The following PTPRN2 variants were observed in gnomAD, a reference collection of about 807,000 sequenced individuals.
PTPRN2 encodes the protein receptor-type tyrosine-protein phosphatase N2.
In PTPRN2, 74 loss-of-function variants were observed where a neutral mutation model predicts 118.8. The ratio of observed to expected loss-of-function variants is 0.62; its 90% CI spans 0.52 to 0.76. The LOEUF is 0.76. Among genes scored for constraint, PTPRN2 ranks in the 30% least tolerant of loss-of-function variants. The probability of loss-of-function intolerance (pLI) is 0.00; values close to 1 mark genes in which losing one functional copy is unlikely to be tolerated. For missense variants in PTPRN2, 1,481 were observed against 1,394.4 expected, an observed-to-expected ratio of 1.06 and a Z score of -0.99; for synonymous variants, 641 against 608.0, an observed-to-expected ratio of 1.05 and a Z score of -0.80.
intron 12 of PTPRN2, among the ~76,000 whole-genome samples, chr7:157,688,026 G>T (rs1797279287): frequency 6.6e-6 from 1 of 152,188 alleles, no homozygotes; most frequent in African/African-American, 2.4e-5. Context: ...AGCCCTTTGT[G>T]CAACTGAAAG....
chr7:158,293,754 G>GT (rs1586152146), intron 3 of PTPRN2, among the ~76,000 whole-genome samples: 1 of 22,016 alleles, frequency 4.5e-5, no homozygotes, highest in African/African-American at 1.7e-4. Context: ...AAACTTTTTT[G>GT]TTAAAAAAAA....
rs893452666 is a variant in PTPRN2 at position 158,310,719 on chromosome 7, A to G, written c.277+6100T>C. Among the ~76,000 whole-genome samples, 55 of 146,416 alleles carry G rather than the reference A, an allele frequency of 3.8e-4. 2 individuals carry two copies. Among genetic ancestry groups the G allele is most frequent in the African/African-American group, 1.2e-3 (47 of 38,760 alleles). The stretch of plus-strand genomic sequence containing the variant: ...ACGGAGGGCGAGCCCTGAGCCGGAC[A>G]GAGCGCAAGTCCCACGGAGGGCAAG... On this transcript the variant is annotated intron_variant, in intron 3 of 22. Coordinates refer to ENST00000389418, the MANE Select transcript of PTPRN2 (RefSeq NM_002847.5).
chr7:158,295,141 G>A (rs1361734012), intron 3 of PTPRN2, among the ~76,000 whole-genome samples: 5 of 138,464 alleles, frequency 3.6e-5, no homozygotes, highest in Admixed American at 7.4e-5. Context: ...CATGGCACCC[G>A]CTGACCCTGC....
chr7:157,563,811 C>T (rs574441447), intron 21 of PTPRN2, among the ~76,000 whole-genome samples: 6 of 151,800 alleles, frequency 4.0e-5, no homozygotes, highest in South Asian at 2.1e-4. Context: ...ATCAGGACCA[C>T]GTGCTCCCAC....
At chr7:158,285,900 T>G (rs1209750578) in intron 3 of PTPRN2, among the ~76,000 whole-genome samples, 2 of 152,100 alleles carry the variant, frequency 1.3e-5, no homozygotes, top group Non-Finnish European at 2.9e-5. Flanking sequence ...CAGAGAGAGC[T>G]CCACACACCT....
At chr7:157,800,958 AATATATATATACATAT>A (rs1563123479) in intron 12 of PTPRN2, among the ~76,000 whole-genome samples, 1 of 151,072 alleles carries the variant, frequency 6.6e-6, no homozygotes. Flanking sequence ...TTTCAAAAAA[AATATATATATACATAT>A]ATATATATAC....
intron 12 of PTPRN2, among the ~76,000 whole-genome samples, chr7:157,825,605 G>C (rs1163986383): frequency 6.6e-6 from 1 of 152,138 alleles, no homozygotes; most frequent in Non-Finnish European, 1.5e-5. Flanking sequence ...AACAATGAAG[G>C]CTCCCGTGTT....
intron 11 of PTPRN2, among the ~76,000 whole-genome samples, chr7:158,055,514 C>T (rs1809718596): frequency 6.6e-6 from 1 of 152,224 alleles, no homozygotes; most frequent in African/African-American, 2.4e-5. Flanking sequence ...CTAACCGTCT[C>T]CCTGTGATGC....
rs558775700 is a variant in PTPRN2 at position 157,974,580 on chromosome 7, C to T, written c.1724-75843G>A. ...TGTCGTGGACATCTCTGGTCTCAGCCGGCAGGGGTGGGTGGGACCTCAGAC... is the reference window on the plus strand; with the variant it reads ...TGTCGTGGACATCTCTGGTCTCAGCTGGCAGGGGTGGGTGGGACCTCAGAC... On this transcript the variant is annotated intron_variant, in intron 11 of 22. Transcript: ENST00000389418. The surrounding 1 kb of genome is among the most constrained non-coding windows in gnomAD (Gnocchi z 4.0). Among the ~76,000 whole-genome samples, 8 of 147,722 alleles carry T rather than the reference C, an allele frequency of 5.4e-5. No homozygotes were observed. The highest frequency in any genetic ancestry group is 2.1e-4 in the East Asian group (1 of 4,798).
chr7:157,777,565 C>T lies in PTPRN2; in HGVS notation c.1789-94628G>A, dbSNP rs546056644. On this transcript the variant is annotated intron_variant, in intron 12 of 22. Transcript: ENST00000389418. ...CAAGGCTCTGGCAGATCCTGCCTGT[C>T]ATGTCCTGTCCCCCGGACACTATGA... Among the ~76,000 whole-genome samples the T allele has an allele frequency of 3.5e-4, 53 of 152,352 alleles. 1 individual carries two copies. Among genetic ancestry groups the T allele is most frequent in the Admixed American group, 2.9e-3 (45 of 15,308 alleles).
intron 1 of PTPRN2, among the ~76,000 whole-genome samples, chr7:158,503,872 G>A (rs760522223): frequency 1.3e-5 from 2 of 151,992 alleles, no homozygotes; most frequent in Non-Finnish European, 2.9e-5. Flanking sequence ...GTGGTGGTGT[G>A]TGCCTATAAT....
At chr7:157,999,406 C>T (rs1258584833) in intron 11 of PTPRN2, among the ~76,000 whole-genome samples, 1 of 152,212 alleles carries the variant, frequency 6.6e-6, no homozygotes, top group Non-Finnish European at 1.5e-5. Context: ...CTCTCGTTTT[C>T]ACGTGCCACG....
At chr7:158,572,941 T>C (rs1751514615) in intron 1 of PTPRN2, among the ~76,000 whole-genome samples, 1 of 152,256 alleles carries the variant, frequency 6.6e-6, no homozygotes, top group African/African-American at 2.4e-5. Context: ...ATTTACATTT[T>C]ATTCCAACTA....
chr7:157,996,575 C>T (rs1008967857), intron 11 of PTPRN2, among the ~76,000 whole-genome samples: 47 of 152,318 alleles, frequency 3.1e-4, no homozygotes, highest in Middle Eastern at 6.8e-3. Flanking sequence ...CCCACCACCC[C>T]GAGGGCCGGT....
chr7:158,413,896 T>C (rs1009078618), intron 2 of PTPRN2, among the ~76,000 whole-genome samples: 1 of 152,018 alleles, frequency 6.6e-6, no homozygotes, highest in East Asian at 1.9e-4. Context: ...TCCCAGCACT[T>C]TGGGAGGCCG....
Position 158,138,170 on chromosome 7 carries a change from A to G in PTPRN2, c.1132+124T>C, listed in dbSNP as rs1819011939. 3 of 817,212 alleles carry G rather than the reference A, an allele frequency of 3.7e-6. No individual in the cohort carries two copies. The Admixed American group carries it at 8.5e-5, about 23-fold the overall frequency. The allele number at this position is 817,212 out of a possible 1,614,324, so 50.6% of individuals were successfully genotyped here. A position where few individuals can be genotyped will look rare whatever the true frequency, so the allele number is the denominator to read the frequency against. ...TCAAACAGATAAAAATCATTAATAC[A>G]GATCCCCATCTCCCCAGCAGAAAGC... On this transcript the variant is annotated intron_variant, in intron 7 of 22. Coordinates refer to ENST00000389418, the MANE Select transcript of PTPRN2 (RefSeq NM_002847.5).
chr7:158,226,227 T>C lies in PTPRN2; in HGVS notation c.278-20954A>G, dbSNP rs1354894363. Among the ~76,000 whole-genome samples the C allele has an allele frequency of 2.0e-5, 3 of 152,182 alleles. No individual in the cohort carries two copies. In the East Asian group the frequency reaches 5.8e-4, roughly 29 times the overall value. On this transcript the variant is annotated intron_variant, in intron 3 of 22. Transcript: ENST00000389418. ...CATTCAATAAGAGTTACAAAAACGG[T>C]TCATTAGAGAGATGATAAGGTTGTA...
chr7:157,964,647 A>C lies in PTPRN2; in HGVS notation c.1724-65910T>G, dbSNP rs905220628. Among the ~76,000 whole-genome samples, 1 of 152,174 alleles carries C rather than the reference A, an allele frequency of 6.6e-6. No homozygotes were observed. Among genetic ancestry groups the C allele is most frequent in the African/African-American group, 2.4e-5 (1 of 41,442 alleles). On this transcript the variant is annotated intron_variant, in intron 11 of 22. Transcript: ENST00000389418. This position sits in a 1 kb window ranked among gnomAD's most constrained non-coding sequence, Gnocchi z 9.0. ...GCCATTAACACCCTGTGATGGCCTT[A>C]CTTGGCGTGTGGAGCTGTGACCACC...
chr7:157,711,885 C>T (rs975751385), intron 12 of PTPRN2, among the ~76,000 whole-genome samples: 1 of 145,726 alleles, frequency 6.9e-6, no homozygotes, highest in Non-Finnish European at 1.5e-5. Flanking sequence ...ACAGGGTAGA[C>T]ATCAGGGGCT....
Sources: allele counts gnomAD v4.1 joint callset (sites outside exome capture counted in the v4.1 genomes callset), GRCh38; gene constraint gnomAD v4.1.1; non-coding constraint Gnocchi (gnomAD v3.1); transcripts MANE v1.5; gene names NCBI Gene and HGNC (gene_info 2026-07-23, HGNC 2026-07-21).